The following LRRC4C variants were observed in gnomAD, a reference collection of about 807,000 sequenced individuals.
LRRC4C encodes the protein leucine-rich repeat-containing protein 4C.
A neutral mutation model predicts 33.6 loss-of-function variants in LRRC4C; 5 were observed. That is an observed-to-expected ratio of 0.15 (90% CI 0.08 to 0.31). The LOEUF (loss-of-function observed/expected upper bound fraction) is 0.31, where lower values mean the gene tolerates loss of function less well. Ranked by LOEUF, LRRC4C falls within the 10% of genes least tolerant of loss-of-function variation. The probability of loss-of-function intolerance (pLI) is 1.00; values close to 1 mark genes in which losing one functional copy is unlikely to be tolerated. For missense variants in LRRC4C, 560 were observed against 796.7 expected, an observed-to-expected ratio of 0.70 and a Z score of 3.58; for synonymous variants, 329 against 302.0, an observed-to-expected ratio of 1.09 and a Z score of -0.93.
chr11:41,348,782 A>G lies in LRRC4C; in HGVS notation c.-496+110649T>C, dbSNP rs1453003895. On this transcript the variant is annotated intron_variant, in intron 1 of 6. Coordinates refer to ENST00000528697, the MANE Select transcript of LRRC4C (RefSeq NM_001258419.2). ...GTGGCTCCTGGGGAAGGGGTCAACG[A>G]AATAGGCATGGAGTGGCCCACTATT... Among the ~76,000 whole-genome samples the G allele has an allele frequency of 2.0e-5, 3 of 152,290 alleles. No homozygotes were observed. The East Asian group carries it at 5.8e-4, about 29-fold the overall frequency.
rs1327390850 is a variant in LRRC4C at position 40,116,060 on chromosome 11, G to A, written c.233C>T (p.Thr78Ile). Residue 78 changes from threonine to isoleucine, a missense_variant, in exon 7 of 7, where the codon ACA becomes ATA. Thr to Ile is a moderately conservative substitution (Grantham distance 89). This residue lies in a region of LRRC4C where 455 missense variants were observed against 643.8 expected (regional missense o/e 0.71). Coordinates refer to ENST00000528697, the MANE Select transcript of LRRC4C (RefSeq NM_001258419.2). ...REVPDGISTN[T>I]RLLNLHENQI... ...GTTCTCATGGAGGTTCAGCAGCCGTGTGTTGGTGGAGATGCCATCCGGAAC... is the reference window on the plus strand; with the variant it reads ...GTTCTCATGGAGGTTCAGCAGCCGTATGTTGGTGGAGATGCCATCCGGAAC... The A allele has an allele frequency of 1.9e-6, 3 of 1,614,090 alleles. No homozygotes were observed. The highest frequency in any genetic ancestry group is 2.2e-5 in the East Asian group (1 of 44,866).
At chr11:41,385,843 C>T (rs548979707) in intron 1 of LRRC4C, among the ~76,000 whole-genome samples, 1 of 151,576 alleles carries the variant, frequency 6.6e-6, no homozygotes, top group South Asian at 2.1e-4. Flanking sequence ...AGTTTTAGAT[C>T]AAACTTTAGA....
chr11:41,082,426 G>A (rs561130894), intron 1 of LRRC4C, among the ~76,000 whole-genome samples: 3 of 121,828 alleles, frequency 2.5e-5, no homozygotes, highest in South Asian at 2.9e-4. Context: ...CAAATCTCAC[G>A]CTTTTTTTTT....
At chr11:41,105,842 C>T (rs114400114) in intron 1 of LRRC4C, among the ~76,000 whole-genome samples, 2,860 of 152,154 alleles carry the variant, frequency 0.019, 92 homozygotes, top group African/African-American at 0.065. Flanking sequence ...AGGGAATGCA[C>T]ATATGATATG....
At chr11:40,840,955 AG>A (rs1378554374) in intron 2 of LRRC4C, among the ~76,000 whole-genome samples, 1 of 152,208 alleles carries the variant, frequency 6.6e-6, no homozygotes, top group African/African-American at 2.4e-5. Flanking sequence ...ATAAACAAAA[AG>A]TCTACAAACA....
intron 3 of LRRC4C, among the ~76,000 whole-genome samples, chr11:40,486,154 TAAAAAAAAAA>T (rs11415781): frequency 2.6e-4 from 35 of 133,482 alleles, no homozygotes; most frequent in South Asian, 7.2e-4. Flanking sequence ...GACAAAAGTT[TAAAAAAAAAA>T]AAAAAAAGGA....
At chr11:40,130,214 A>G (rs1371697547) in intron 6 of LRRC4C, among the ~76,000 whole-genome samples, 1 of 152,062 alleles carries the variant, frequency 6.6e-6, no homozygotes, top group Non-Finnish European at 1.5e-5. Flanking sequence ...TAGATATTTC[A>G]CTCTCCAGGT....
At chr11:40,978,946 T>G (rs893984448) in intron 1 of LRRC4C, among the ~76,000 whole-genome samples, 2 of 152,108 alleles carry the variant, frequency 1.3e-5, no homozygotes, top group Non-Finnish European at 2.9e-5. Flanking sequence ...TTTCCTTTTT[T>G]GATTTCAGTT....
At chr11:40,427,676 A>G (rs532995448) in intron 3 of LRRC4C, among the ~76,000 whole-genome samples, 28 of 152,116 alleles carry the variant, frequency 1.8e-4, no homozygotes, top group South Asian at 1.0e-3. Context: ...AAAAATACAA[A>G]AAAATTAGCC....
intron 3 of LRRC4C, chr11:40,446,391 T>C (rs968553106): frequency 6.6e-6 from 1 of 152,184 alleles, no homozygotes; most frequent in African/African-American, 2.4e-5. Flanking sequence ...ACTGTTTCTA[T>C]TATTTACATT....
chr11:40,787,449 C>G (rs1950457771), intron 2 of LRRC4C, among the ~76,000 whole-genome samples: 1 of 152,196 alleles, frequency 6.6e-6, no homozygotes, highest in African/African-American at 2.4e-5. Flanking sequence ...GGTCCTACTT[C>G]CGTTGCAACA....
intron 5 of LRRC4C, among the ~76,000 whole-genome samples, chr11:40,221,818 C>A (rs539940898): frequency 9.1e-4 from 139 of 152,188 alleles, no homozygotes; most frequent in Middle Eastern, 3.4e-3. Flanking sequence ...TCACGTACCC[C>A]CTGCTTGCTC....
At chr11:40,420,578 C>T (rs1407800501) in intron 3 of LRRC4C, among the ~76,000 whole-genome samples, 1 of 152,178 alleles carries the variant, frequency 6.6e-6, no homozygotes, top group Non-Finnish European at 1.5e-5. Flanking sequence ...CACAAAGACA[C>T]ATCTGGCAGA....
intron 1 of LRRC4C, among the ~76,000 whole-genome samples, chr11:41,101,628 C>T (rs1941191323): frequency 6.6e-6 from 1 of 152,124 alleles, no homozygotes; most frequent in Non-Finnish European, 1.5e-5. Context: ...ACTATTCCAC[C>T]CAGCGATCCC....
intron 1 of LRRC4C, among the ~76,000 whole-genome samples, chr11:41,356,937 G>A (rs1164693440): frequency 6.6e-6 from 1 of 152,080 alleles, no homozygotes; most frequent in African/African-American, 2.4e-5. Flanking sequence ...CTGCTGAAAA[G>A]GAGTTCTACA....
At chr11:41,391,490 A>G (rs1953592635) in intron 1 of LRRC4C, among the ~76,000 whole-genome samples, 1 of 151,974 alleles carries the variant, frequency 6.6e-6, no homozygotes. Context: ...TTCTACAAAT[A>G]TGTATTGAGC....
At chr11:40,486,113 A>G (rs1300731985) in intron 3 of LRRC4C, among the ~76,000 whole-genome samples, 1 of 151,704 alleles carries the variant, frequency 6.6e-6, no homozygotes, top group African/African-American at 2.4e-5. Flanking sequence ...TTACCTGTGT[A>G]ACAAACCTGC....
intron 1 of LRRC4C, among the ~76,000 whole-genome samples, chr11:40,987,654 T>TA (rs1565274524): frequency 1.8e-3 from 44 of 24,834 alleles, no homozygotes; most frequent in Admixed American, 2.5e-3. Flanking sequence ...TATATATATC[T>TA]CATATATATG....
intron 3 of LRRC4C, among the ~76,000 whole-genome samples, chr11:40,492,098 A>G (rs1391986157): frequency 2.0e-5 from 3 of 152,212 alleles, no homozygotes. Flanking sequence ...GTTCAGATAC[A>G]AAATAAGAGG....
Sources: gnomAD v4.1 joint callset for allele counts (sites outside exome capture counted in the v4.1 genomes callset) on GRCh38, gnomAD v4.1.1 for gene constraint, gnomAD v4.1.1 regional missense constraint, MANE v1.5 for transcripts, NCBI Gene and HGNC (gene_info 2026-07-23, HGNC 2026-07-21) for gene names.